Variants in TMEM131L observed in about 807,000 individuals in gnomAD.
TMEM131L encodes transmembrane 131 like, also known as transmembrane protein 131-like.
A neutral mutation model predicts 192.2 loss-of-function variants in TMEM131L; 54 were observed. The ratio of observed to expected loss-of-function variants is 0.28; its 90% CI spans 0.23 to 0.35. TMEM131L has a LOEUF of 0.35. TMEM131L is among the 10% of genes least tolerant of loss of function. TMEM131L has a pLI of 1.00. For synonymous variants in TMEM131L, 701 were observed against 704.9 expected, an observed-to-expected ratio of 0.99 and a Z score of 0.09; for missense variants, 1,888 against 1,972.9, an observed-to-expected ratio of 0.96 and a Z score of 0.82.
chr4:153,566,377 C>T (rs141150060), intron 7 of TMEM131L, among the ~76,000 whole-genome samples: 2,416 of 152,088 alleles, frequency 0.016, 61 homozygotes, highest in African/African-American at 0.054. Flanking sequence ...CCTCGTGATC[C>T]GCCCGCCTCA....
chr4:153,546,907 A>G (rs1275542729), intron 3 of TMEM131L, among the ~76,000 whole-genome samples: 2 of 152,268 alleles, frequency 1.3e-5, no homozygotes, highest in Non-Finnish European at 2.9e-5. Flanking sequence ...AACGTGGGCA[A>G]CAAGAGTGAA....
chr4:153,560,201 T>C (rs1333992281), intron 7 of TMEM131L, among the ~76,000 whole-genome samples: 1 of 152,214 alleles, frequency 6.6e-6, no homozygotes, highest in African/African-American at 2.4e-5. Flanking sequence ...CACTATTCTT[T>C]TCATCACCCA....
At chr4:153,603,214 A>T in intron 23 of TMEM131L, 89 bp from the exon 24 acceptor site, 4 of 1,138,144 alleles carry the variant, frequency 3.5e-6, no homozygotes, top group Non-Finnish European at 4.9e-6. Flanking sequence ...GTTTTTCGTA[A>T]ATCATTCCCC....
chr4:153,612,760 CT>C lies in TMEM131L; in HGVS notation c.3567+363del, dbSNP rs554711379. On this transcript the variant is annotated intron_variant, in intron 26 of 34. Transcript: ENST00000409959. ...CTGAGTTGTATTGCTTTTTGTCTGTCTTTGTCCTCATATCTATTATCGTCTT... is the reference window on the plus strand; with the variant it reads ...CTGAGTTGTATTGCTTTTTGTCTGTCTTGTCCTCATATCTATTATCGTCTT... Among the ~76,000 whole-genome samples the C allele has an allele frequency of 2.8e-3, 432 of 152,040 alleles. 4 individuals carry two copies. Among genetic ancestry groups the C allele is most frequent in the African/African-American group, 0.01 (421 of 41,476 alleles).
At chr4:153,498,819 C>T (rs538145223) in intron 3 of TMEM131L, among the ~76,000 whole-genome samples, 1 of 152,212 alleles carries the variant, frequency 6.6e-6, no homozygotes, top group Admixed American at 6.5e-5. Context: ...GGAGTTTATG[C>T]AACAAATGCA....
At chr4:153,613,867 A>G (rs963333238) in intron 26 of TMEM131L, among the ~76,000 whole-genome samples, 2 of 152,122 alleles carry the variant, frequency 1.3e-5, no homozygotes, top group Non-Finnish European at 2.9e-5. Context: ...TATAACAAGC[A>G]TGAGTTTTTT....
At chr4:153,633,574 T>C (rs1028786377) in intron 32 of TMEM131L, among the ~76,000 whole-genome samples, 1 of 152,128 alleles carries the variant, frequency 6.6e-6, no homozygotes, top group South Asian at 2.1e-4. Flanking sequence ...TATTGAAAAA[T>C]AGTTACACAA....
chr4:153,582,271 A>G (rs1343509165), intron 9 of TMEM131L, among the ~76,000 whole-genome samples: 1 of 151,168 alleles, frequency 6.6e-6, no homozygotes, highest in African/African-American at 2.4e-5. Context: ...TTTAGACAGG[A>G]TTTTGCTGTG....
intron 6 of TMEM131L, among the ~76,000 whole-genome samples, chr4:153,557,648 A>T (rs1402545974): frequency 2.6e-5 from 4 of 152,226 alleles, no homozygotes; most frequent in Non-Finnish European, 4.4e-5. Context: ...TCTGGCATCA[A>T]GTAATTTAAG....
chr4:153,600,034 C>T (rs1271126180), intron 21 of TMEM131L, among the ~76,000 whole-genome samples: 2 of 151,826 alleles, frequency 1.3e-5, no homozygotes, highest in African/African-American at 2.4e-5. Flanking sequence ...GTGAAGACTT[C>T]GTCTCAAAAA....
intron 25 of TMEM131L, among the ~76,000 whole-genome samples, chr4:153,609,296 G>A (rs1308982731): frequency 6.6e-6 from 1 of 152,118 alleles, no homozygotes; most frequent in African/African-American, 2.4e-5. Flanking sequence ...AGAGAGTGAA[G>A]GGGGAAGTGC....
At chr4:153,546,191 C>T (rs1249762050) in intron 3 of TMEM131L, among the ~76,000 whole-genome samples, 1 of 151,086 alleles carries the variant, frequency 6.6e-6, no homozygotes, top group Admixed American at 6.6e-5. Context: ...GCACCCGGTC[C>T]ATTTTTCTCT....
At chr4:153,611,174 G>T (rs1337598715) in intron 25 of TMEM131L, among the ~76,000 whole-genome samples, 1 of 152,232 alleles carries the variant, frequency 6.6e-6, no homozygotes, top group African/African-American at 2.4e-5. Flanking sequence ...CTCCACAGGG[G>T]CAGGGCGGGC....
rs145726467 is a variant in TMEM131L, at chr4:153,604,472, C to G, written c.3418+42C>G. The G allele has an allele frequency of 4.0e-4, 610 of 1,533,482 alleles. 5 individuals are homozygous for G. The African/African-American group carries it at 7.5e-3, about 19-fold the overall frequency. The allele number at this position is 1,533,482 out of a possible 1,614,324, so 95.0% of individuals were successfully genotyped here. On this transcript the variant is annotated intron_variant, in intron 25 of 34. Coordinates refer to ENST00000409959, the MANE Select transcript of TMEM131L (RefSeq NM_001131007.2). ...CTTTGATAATTCTCTCCTGTTTGTA[C>G]CCAGTCTGTTTTTAATGGAATTGTT...
chr4:153,519,599 T>A (rs1734968554), intron 3 of TMEM131L, among the ~76,000 whole-genome samples: 1 of 152,198 alleles, frequency 6.6e-6, no homozygotes, highest in Non-Finnish European at 1.5e-5. Flanking sequence ...ACTTTAATAA[T>A]TGGGTTTACA....
At chr4:153,484,899 C>G (rs1294638159) in intron 3 of TMEM131L, among the ~76,000 whole-genome samples, 1 of 146,304 alleles carries the variant, frequency 6.8e-6, no homozygotes, top group Admixed American at 6.8e-5. Flanking sequence ...GCGGGCGGAT[C>G]ACGAGGTCAG....
intron 3 of TMEM131L, among the ~76,000 whole-genome samples, chr4:153,474,328 TG>T (rs1032124787): frequency 6.6e-6 from 1 of 152,130 alleles, no homozygotes; most frequent in Admixed American, 6.5e-5. Flanking sequence ...AATAATGAGG[TG>T]GATGGGCTCC....
intron 25 of TMEM131L, among the ~76,000 whole-genome samples, chr4:153,609,931 G>C (rs1045359986): frequency 6.6e-6 from 1 of 152,142 alleles, no homozygotes; most frequent in African/African-American, 2.4e-5. Flanking sequence ...GCTTTTGGCT[G>C]TCTGCTTTAC....
At chr4:153,595,105 T>C (rs1731338498) in intron 19 of TMEM131L, among the ~76,000 whole-genome samples, 1 of 152,230 alleles carries the variant, frequency 6.6e-6, no homozygotes, top group Non-Finnish European at 1.5e-5. Flanking sequence ...CTATTGTTAA[T>C]TTATTACATT....
Sources: gnomAD v4.1 joint callset for allele counts (sites outside exome capture counted in the v4.1 genomes callset) on GRCh38, gnomAD v4.1.1 for gene constraint, MANE v1.5 for transcripts, NCBI Gene and HGNC (gene_info 2026-07-23, HGNC 2026-07-21) for gene names.